Variants in PIGU observed in about 807,000 individuals in gnomAD.
PIGU encodes the protein GPI-anchor transamidase component PIGU.
Under a neutral mutation model 49.9 loss-of-function variants are expected in PIGU, and 24 were observed. The observed-to-expected ratio is 0.48, with a 90% CI of 0.35 to 0.68. The LOEUF is 0.68. PIGU is among the 30% of genes least tolerant of loss of function. The pLI is 0.01. For synonymous variants in PIGU, 220 were observed against 205.7 expected (o/e 1.07, Z -0.59); for missense variants, 490 against 532.6 (o/e 0.92, Z 0.79).
chr20:34,619,589 G>A (rs1985132082), intron 6 of PIGU, among the ~76,000 whole-genome samples: 1 of 152,230 alleles, frequency 6.6e-6, no homozygotes, highest in Non-Finnish European at 1.5e-5. Flanking sequence ...ATAGCATGGT[G>A]AAAACAAACA....
intron 9 of PIGU, among the ~76,000 whole-genome samples, chr20:34,582,637 C>T (rs1001800025): frequency 3.9e-5 from 6 of 151,994 alleles, no homozygotes; most frequent in African/African-American, 1.5e-4. Context: ...CATGATCAAC[C>T]ACTGCACTCC....
At chr20:34,620,217 C>T (rs1985154027) in intron 6 of PIGU, among the ~76,000 whole-genome samples, 1 of 152,214 alleles carries the variant, frequency 6.6e-6, no homozygotes, top group Non-Finnish European at 1.5e-5. Context: ...TCTCATTTCT[C>T]CAGTTTCACC....
At chr20:34,605,726 AT>A (rs34502490) in intron 7 of PIGU, among the ~76,000 whole-genome samples, 3 of 152,136 alleles carry the variant, frequency 2.0e-5, no homozygotes, top group Non-Finnish European at 4.4e-5. Context: ...TTTATTATAA[AT>A]TTTTTCAAAC....
chr20:34,673,049 T>TC (rs774057245), intron 1 of PIGU, among the ~76,000 whole-genome samples: 8 of 151,754 alleles, frequency 5.3e-5, no homozygotes, highest in Non-Finnish European at 1.2e-4. Context: ...GGTCAGGAGA[T>TC]CGAGACCATC....
At chr20:34,584,340 C>T (rs1983608905) in intron 9 of PIGU, among the ~76,000 whole-genome samples, 2 of 152,070 alleles carry the variant, frequency 1.3e-5, no homozygotes, top group Non-Finnish European at 2.9e-5. Context: ...GGACTCCACA[C>T]ATCCTTTGGA....
At chr20:34,573,582 T>C (rs920812858) in intron 11 of PIGU, among the ~76,000 whole-genome samples, 2 of 152,200 alleles carry the variant, frequency 1.3e-5, no homozygotes, top group Non-Finnish European at 1.5e-5. Context: ...TCTGTGGAGC[T>C]TGCCAACCTC....
intron 6 of PIGU, among the ~76,000 whole-genome samples, chr20:34,626,373 G>A (rs1370812267): frequency 1.3e-5 from 2 of 149,256 alleles, no homozygotes; most frequent in East Asian, 3.9e-4. Context: ...CGTGATCTCG[G>A]CTCACTGCAA....
intron 1 of PIGU, among the ~76,000 whole-genome samples, chr20:34,670,786 T>C (rs1314859603): frequency 6.6e-6 from 1 of 151,480 alleles, no homozygotes; most frequent in African/African-American, 2.4e-5. Flanking sequence ...TCAAGTGATC[T>C]GCCCACCTCA....
intron 7 of PIGU, among the ~76,000 whole-genome samples, chr20:34,602,235 C>T (rs1471271371): frequency 6.7e-6 from 1 of 149,018 alleles, no homozygotes; most frequent in Non-Finnish European, 1.5e-5. Context: ...TGAGCCGAGA[C>T]TGCGCCAGTG....
At chr20:34,620,336 CT>C (rs1212578173) in intron 6 of PIGU, among the ~76,000 whole-genome samples, 34 of 152,176 alleles carry the variant, frequency 2.2e-4, no homozygotes, top group African/African-American at 7.5e-4. Flanking sequence ...TAGGCTATTC[CT>C]TCTGCCCAAG....
At chr20:34,655,409 C>T (rs964255463) in intron 2 of PIGU, among the ~76,000 whole-genome samples, 1 of 119,196 alleles carries the variant, frequency 8.4e-6, no homozygotes, top group Non-Finnish European at 1.8e-5. Flanking sequence ...CGGTGGCTCA[C>T]GCCTGTAATC....
At chr20:34,588,650 A>G in intron 7 of PIGU, 43 bp from the exon 8 acceptor site, 1 of 1,569,954 alleles carries the variant, frequency 6.4e-7, no homozygotes, top group East Asian at 2.3e-5. Flanking sequence ...GATGTAAACA[A>G]CAGAGGGCAG....
At chr20:34,577,263 T>C (rs1983274119) in intron 10 of PIGU, among the ~76,000 whole-genome samples, 1 of 152,200 alleles carries the variant, frequency 6.6e-6, no homozygotes, top group Non-Finnish European at 1.5e-5. Context: ...AGGAAATCCC[T>C]TCTCCCAAGT....
At chr20:34,561,111 GCCCTCCTCAGGGCC>G (rs1982484114) in intron 11 of PIGU, 132 bp from the exon 12 acceptor site, 7 of 640,160 alleles carry the variant, frequency 1.1e-5, no homozygotes, top group African/African-American at 3.8e-5. Context: ...CACTGGAGAG[GCCCTCCTCAGGGCC>G]CCCACCTCAG....
At chr20:34,669,210 T>C (rs1987227381) in intron 1 of PIGU, among the ~76,000 whole-genome samples, 1 of 152,058 alleles carries the variant, frequency 6.6e-6, no homozygotes. Context: ...TTAACAACTA[T>C]GGTTTAGTTA....
rs549372310 is a variant in PIGU at position 34,669,688 on chromosome 20, A to G, written c.130+7268T>C. On this transcript the variant is annotated intron_variant, in intron 1 of 11. Transcript: ENST00000217446. ...GCTGAAAAAAAAAAAAAAAAGTAAAAAACAAAAAACAGTGGTATCTAGTCT... is the reference window on the plus strand; with the variant it reads ...GCTGAAAAAAAAAAAAAAAAGTAAAGAACAAAAAACAGTGGTATCTAGTCT... 1.2e-3 allele frequency among the ~76,000 whole-genome samples: 188 copies of G among 151,968 alleles called. 2 individuals carry two copies. The highest frequency in any genetic ancestry group is 4.2e-3 in the African/African-American group (176 of 41,504).
intron 2 of PIGU, 42 bp downstream of exon 2, chr20:34,657,125 TATCTGTGACTGTA>T: frequency 1.5e-6 from 2 of 1,310,764 alleles, no homozygotes; most frequent in Non-Finnish European, 2.2e-6. Context: ...TAGGCTTTGG[TATCTGTGACTGTA>T]AACTACTCTT....
intron 1 of PIGU, among the ~76,000 whole-genome samples, chr20:34,672,491 C>G (rs975943843): frequency 3.3e-5 from 5 of 152,044 alleles, no homozygotes; most frequent in Non-Finnish European, 1.5e-5. Context: ...AGTAATTGAC[C>G]GAAGAATTGG....
intron 6 of PIGU, among the ~76,000 whole-genome samples, chr20:34,631,586 C>T (rs1985712642): frequency 6.9e-6 from 1 of 145,786 alleles, no homozygotes; most frequent in Non-Finnish European, 1.5e-5. Flanking sequence ...CAGAGTCTTG[C>T]TCTGTTGCCC....
Sources: allele counts gnomAD v4.1 joint callset (sites outside exome capture counted in the v4.1 genomes callset), GRCh38; gene constraint gnomAD v4.1.1; transcripts MANE v1.5; gene names NCBI Gene and HGNC (gene_info 2026-07-23, HGNC 2026-07-21).